The following GTF3C1 variants were observed in gnomAD, a reference collection of about 807,000 sequenced individuals.
GTF3C1 encodes the protein general transcription factor 3C polypeptide 1.
Under a neutral mutation model 226.7 loss-of-function variants are expected in GTF3C1, and 57 were observed. The ratio of observed to expected loss-of-function variants is 0.25; its 90% CI spans 0.20 to 0.31. The LOEUF is 0.31. GTF3C1 is among the 10% of genes least tolerant of loss of function. GTF3C1 has a pLI of 1.00. For missense variants in GTF3C1, 2,217 were observed against 2,776.1 expected (o/e 0.80, Z 4.53); for synonymous variants, 1,090 against 1,084.8 (o/e 1.00, Z -0.09).
In GTF3C1 at chr16:27,502,776, G is replaced by A. The variant is rs533689668; in HGVS notation, c.1907+83C>T. On this transcript the variant is annotated intron_variant, in intron 11 of 36. Coordinates refer to ENST00000356183, the MANE Select transcript of GTF3C1 (RefSeq NM_001520.4). ...ACAGAGATTTGAATGCCCCTCAGTG[G>A]TGTCCATGGCTTGTGATGACCAACT... 5.7e-4 allele frequency: 797 copies of A among 1,386,798 alleles called. 11 individuals are homozygous for A. In the South Asian group the frequency reaches 9.6e-3, roughly 17 times the overall value. 85.9% of individuals were successfully genotyped at this position (1,386,798 alleles called of 1,614,324 possible).
Position 27,462,834 on chromosome 16 carries a change from A to C in GTF3C1, c.5925-348T>G. Reference sequence around the variant, plus strand: ...AGAAACCACCTCCAGGCTGTGGCAAAACTCACGGGAGCGTGACCCTGAAGC... The same window carrying C: ...AGAAACCACCTCCAGGCTGTGGCAACACTCACGGGAGCGTGACCCTGAAGC... On this transcript the variant is annotated intron_variant, in intron 35 of 36. Coordinates refer to ENST00000356183, the MANE Select transcript of GTF3C1 (RefSeq NM_001520.4). This position sits in a 1 kb window ranked among gnomAD's most constrained non-coding sequence, Gnocchi z 4.5. 3.5e-6 allele frequency: 1 copy of C among 283,684 alleles called. No individual in the cohort carries two copies. 17.6% of individuals were successfully genotyped at this position (283,684 alleles called of 1,614,324 possible).
intron 4 of GTF3C1, among the ~76,000 whole-genome samples, chr16:27,536,038 A>G (rs1730534452): frequency 6.6e-6 from 1 of 152,234 alleles, no homozygotes. Flanking sequence ...TGTACTGTAG[A>G]GTGAGGTCTG....
intron 2 of GTF3C1, among the ~76,000 whole-genome samples, chr16:27,538,769 G>T (rs1437885525): frequency 2.0e-5 from 3 of 152,110 alleles, no homozygotes; most frequent in African/African-American, 7.2e-5. Context: ...CAGGGGTGCT[G>T]CCCTTGCTGT....
intron 6 of GTF3C1, among the ~76,000 whole-genome samples, chr16:27,520,774 C>G (rs767596181): frequency 5.5e-4 from 84 of 152,120 alleles, no homozygotes; most frequent in Non-Finnish European, 7.5e-4. Flanking sequence ...GGCTGGAGAA[C>G]AGAGGTGTGA....
chr16:27,468,994 C>T (rs1308804954), intron 32 of GTF3C1, among the ~76,000 whole-genome samples: 16 of 152,180 alleles, frequency 1.1e-4, no homozygotes, highest in Non-Finnish European at 2.2e-4. Context: ...GGTGGGGAAG[C>T]GGAAGTGCTC....
At chr16:27,514,261 C>G (rs1413920563) in intron 6 of GTF3C1, among the ~76,000 whole-genome samples, 2 of 152,368 alleles carry the variant, frequency 1.3e-5, no homozygotes, top group Admixed American at 6.5e-5. Flanking sequence ...CCCGCCGGGG[C>G]TCCTGCCGTC....
Position 27,468,936 on chromosome 16 carries a change from G to A in GTF3C1, c.5074+355C>T, listed in dbSNP as rs2087823647. On this transcript the variant is annotated intron_variant, in intron 32 of 36. Coordinates refer to ENST00000356183, the MANE Select transcript of GTF3C1 (RefSeq NM_001520.4). Reference sequence around the variant, plus strand: ...TTAGAGTTGCAGAGCTAAGCACCAGGAGACTAGAGCCCGGGCAGTGACAGG... The same window carrying A: ...TTAGAGTTGCAGAGCTAAGCACCAGAAGACTAGAGCCCGGGCAGTGACAGG... Among the ~76,000 whole-genome samples the A allele has an allele frequency of 2.0e-5, 3 of 152,196 alleles. No homozygotes were observed. In the South Asian group the frequency reaches 6.2e-4, roughly 32 times the overall value.
At chr16:27,517,392 G>A (rs991147897) in intron 6 of GTF3C1, among the ~76,000 whole-genome samples, 2 of 152,186 alleles carry the variant, frequency 1.3e-5, no homozygotes, top group African/African-American at 2.4e-5. Flanking sequence ...ATAAGCGCAC[G>A]TCATCCAGGG....
rs760059780 is a variant in GTF3C1 at position 27,488,549 on chromosome 16, C to T, written c.3511+5G>A. 29 of 1,611,758 alleles carry T rather than the reference C, an allele frequency of 1.8e-5. No individual in the cohort carries two copies. The highest frequency in any genetic ancestry group is 1.5e-4 in the Admixed American group (9 of 60,012). On this transcript the variant is annotated splice_donor_5th_base_variant and intron_variant, in intron 22 of 36. Coordinates refer to ENST00000356183, the MANE Select transcript of GTF3C1 (RefSeq NM_001520.4). Reference sequence around the variant, plus strand: ...ACTTCTGGGGTGAACTCCCAGCACACGTACCTCTGGCACTGAGGGGCATTG... The same window carrying T: ...ACTTCTGGGGTGAACTCCCAGCACATGTACCTCTGGCACTGAGGGGCATTG...
intron 2 of GTF3C1, among the ~76,000 whole-genome samples, chr16:27,539,775 GGGAGTGGGTTAGTTATCTCA>G (rs1323678186): frequency 6.6e-6 from 1 of 152,188 alleles, no homozygotes; most frequent in African/African-American, 2.4e-5. Context: ...CTTTTATCGT[GGGAGTGGGTTAGTTATCTCA>G]GGAGTGGGAC....
chr16:27,515,363 T>C (rs2088640634), intron 6 of GTF3C1, among the ~76,000 whole-genome samples: 2 of 151,656 alleles, frequency 1.3e-5, no homozygotes, highest in Non-Finnish European at 2.9e-5. Context: ...GCAGGAGGAT[T>C]GCTTGAGCCC....
chr16:27,533,136 A>G (rs1292438322), intron 5 of GTF3C1, among the ~76,000 whole-genome samples, 155 bp downstream of exon 5: 1 of 152,204 alleles, frequency 6.6e-6, no homozygotes, highest in Non-Finnish European at 1.5e-5. Context: ...TGTCTCAAAA[A>G]AGAAAAGAAA....
At chr16:27,464,867 G>A (rs917401218) in intron 33 of GTF3C1, 31 bp from the exon 34 acceptor site, 16 of 1,481,770 alleles carry the variant, frequency 1.1e-5, no homozygotes, top group Middle Eastern at 4.1e-4. Context: ...CGGGGTCTGT[G>A]GGGAGCTCGG....
chr16:27,544,850 T>C (rs2089139620), intron 2 of GTF3C1, among the ~76,000 whole-genome samples: 2 of 152,274 alleles, frequency 1.3e-5, no homozygotes, highest in African/African-American at 4.8e-5. Flanking sequence ...AGAAGGCGAA[T>C]GAAGGCCAAG....
Position 27,483,087 on chromosome 16 carries a change from A to G in GTF3C1, c.4040T>C (p.Val1347Ala). ...ACCTCTTCGATTCATGAAATCTCCA[A>G]CAAGTGCTTTATCCTGGTACACCTC... ...LAEVYQDKALVGDFMNRRGDY... is the reference protein window; with the variant it reads ...LAEVYQDKALAGDFMNRRGDY... Residue 1347 changes from valine to alanine, a missense_variant, in exon 26 of 37, where the codon GTT (valine) becomes GCT (alanine). Val to Ala is a moderately conservative substitution (Grantham distance 64). Coordinates refer to ENST00000356183, the MANE Select transcript of GTF3C1 (RefSeq NM_001520.4). The G allele has an allele frequency of 1.9e-6, 3 of 1,614,214 alleles. No individual in the cohort carries two copies. The highest frequency in any genetic ancestry group is 2.5e-6 in the Non-Finnish European group (3 of 1,180,026).
chr16:27,521,039 C>CG (rs2088740536), intron 6 of GTF3C1, among the ~76,000 whole-genome samples: 1 of 152,060 alleles, frequency 6.6e-6, no homozygotes, highest in Admixed American at 6.5e-5. Context: ...TCTTAAAGCG[C>CG]GATCAATAGA....
rs562709465 is a variant in GTF3C1 at position 27,529,676 on chromosome 16, G to A, written c.850-955C>T. 2.0e-5 allele frequency among the ~76,000 whole-genome samples: 3 copies of A among 152,278 alleles called. No homozygotes were observed. The South Asian group carries it at 6.2e-4, about 32-fold the overall frequency. On this transcript the variant is annotated intron_variant, in intron 5 of 36. Transcript: ENST00000356183. ...AATTTACTTGCCAAAATTGAAAAGTGAGTGATTTCACATTAAAAAAGACCT... is the reference window on the plus strand; with the variant it reads ...AATTTACTTGCCAAAATTGAAAAGTAAGTGATTTCACATTAAAAAAGACCT...
At chr16:27,466,082 T>A (rs2087782509) in intron 32 of GTF3C1, 1 of 149,702 alleles carries the variant, frequency 6.7e-6, no homozygotes, top group African/African-American at 2.7e-5. Flanking sequence ...CAGTCCAAAC[T>A]CCAAAGTATA....
rs534239951 is a variant in GTF3C1 at position 27,489,695 on chromosome 16, C to T, written c.3200G>A (p.Gly1067Asp). 1.2e-6 allele frequency: 2 copies of T among 1,612,156 alleles called. No individual in the cohort carries two copies. Among genetic ancestry groups the T allele is most frequent in the Admixed American group, 1.7e-5 (1 of 59,902 alleles). Residue 1067 changes from glycine to aspartate, a missense_variant, in exon 20 of 37, where the codon GGC (glycine) becomes GAC (aspartate). By Grantham distance (94) the Gly-to-Asp change is moderately conservative. Around this residue, in one of 12 missense-constraint regions of GTF3C1, gnomAD observed 353 missense variants for 411.7 expected, o/e 0.86. Transcript: ENST00000356183. Reference sequence around the variant, plus strand: ...CTGCAGGCTGCCCTCCTCGTCGCTGCCCTGGTCTGTGCTGCTGTTCTTCCT... The same window carrying T: ...CTGCAGGCTGCCCTCCTCGTCGCTGTCCTGGTCTGTGCTGCTGTTCTTCCT... ...RVRKNSSTDQGSDEEGSLQKE... is the reference protein window; with the variant it reads ...RVRKNSSTDQDSDEEGSLQKE...
Sources: allele counts gnomAD v4.1 joint callset (sites outside exome capture counted in the v4.1 genomes callset), GRCh38; gene constraint gnomAD v4.1.1; regional missense constraint gnomAD v4.1.1; non-coding constraint Gnocchi (gnomAD v3.1); transcripts MANE v1.5; gene names NCBI Gene and HGNC (gene_info 2026-07-23, HGNC 2026-07-21).